The following TLE4 variants were observed in gnomAD, a reference collection of about 807,000 sequenced individuals.
TLE4 encodes the protein TLE family member 4, transcriptional corepressor.
In TLE4, 8 loss-of-function variants were observed where a neutral mutation model predicts 92.8. That is an observed-to-expected ratio of 0.09 (90% CI 0.05 to 0.16). TLE4 has a LOEUF of 0.16. Among genes scored for constraint, TLE4 ranks in the 10% least tolerant of loss-of-function variants. The pLI, the probability that TLE4 is intolerant of heterozygous loss-of-function variation, is 1.00. For missense variants in TLE4, 675 were observed against 997.6 expected (o/e 0.68, Z 4.36); for synonymous variants, 371 against 374.1 (o/e 0.99, Z 0.10).
intron 6 of TLE4, among the ~76,000 whole-genome samples, chr9:79,646,733 G>A (rs943744843): frequency 2.0e-5 from 3 of 152,048 alleles, no homozygotes; most frequent in African/African-American, 7.2e-5. Flanking sequence ...ACATTTTAAA[G>A]CCTACTGTAA....
intron 8 of TLE4, among the ~76,000 whole-genome samples, chr9:79,657,608 C>T (rs1446664286): frequency 6.6e-6 from 1 of 152,054 alleles, no homozygotes; most frequent in Non-Finnish European, 1.5e-5. Context: ...TATTAGGTTC[C>T]TCATAGCACT....
intron 19 of TLE4, among the ~76,000 whole-genome samples, chr9:79,724,723 C>T (rs35212319): frequency 1.3e-5 from 2 of 151,780 alleles, no homozygotes; most frequent in South Asian, 4.2e-4. Flanking sequence ...ACATCAGTGT[C>T]GTAGTCCCAG....
rs530869053 is a variant in TLE4 at position 79,575,202 on chromosome 9, A to G, written c.207+266A>G. ...TTGTTTTTACAGATCGAAAAAAAATAAAAACAAAACCTTGTTTGTTTTGTC... is the reference window on the plus strand; with the variant it reads ...TTGTTTTTACAGATCGAAAAAAAATGAAAACAAAACCTTGTTTGTTTTGTC... On this transcript the variant is annotated intron_variant, in intron 3 of 19. Coordinates refer to ENST00000376552, the MANE Select transcript of TLE4 (RefSeq NM_007005.6). Among the ~76,000 whole-genome samples, 12 of 152,340 alleles carry G rather than the reference A, an allele frequency of 7.9e-5. No homozygotes were observed. In the South Asian group the frequency reaches 8.3e-4, roughly 11 times the overall value.
At chr9:79,629,190 A>G (rs1181762061) in intron 6 of TLE4, among the ~76,000 whole-genome samples, 1 of 152,070 alleles carries the variant, frequency 6.6e-6, no homozygotes, top group Non-Finnish European at 1.5e-5. Flanking sequence ...TTCTAGGAAA[A>G]CAGAATGGAT....
intron 5 of TLE4, among the ~76,000 whole-genome samples, chr9:79,626,172 C>T (rs1258581281): frequency 6.6e-6 from 1 of 152,124 alleles, no homozygotes; most frequent in Non-Finnish European, 1.5e-5. Flanking sequence ...TTACACAGCT[C>T]AGAGGTGGAA....
chr9:79,711,487 G>A (rs1565130234), intron 14 of TLE4, among the ~76,000 whole-genome samples: 1 of 152,166 alleles, frequency 6.6e-6, no homozygotes, highest in Non-Finnish European at 1.5e-5. Context: ...AAAGTGGAAG[G>A]GTTCCTTTAG....
intron 6 of TLE4, among the ~76,000 whole-genome samples, chr9:79,634,408 T>A (rs915128794): frequency 3.3e-5 from 5 of 152,236 alleles, no homozygotes; most frequent in Non-Finnish European, 1.5e-5. Context: ...TTTACGGATT[T>A]GTATTTTTTT....
Position 79,574,912 on chromosome 9 carries a change from A to G in TLE4, c.183A>G (p.Thr61=), listed in dbSNP as rs779775864. The G allele has an allele frequency of 1.9e-6, 3 of 1,613,702 alleles. No homozygotes were observed. Among genetic ancestry groups the G allele is most frequent in the Non-Finnish European group, 2.5e-6 (3 of 1,179,686 alleles). The part of the protein sequence containing the change: ...LECEKLASEK[T]EMQRHYVMYY... ...GTGAGAAACTCGCCAGTGAGAAGAC[A>G]GAGATGCAGCGGCATTATGTCATGG... is the stretch of plus-strand genomic sequence containing the variant. Residue 61 remains threonine (T), a synonymous_variant, in exon 3 of 20, where the codon ACA becomes ACG. Transcript: ENST00000376552.
intron 4 of TLE4, among the ~76,000 whole-genome samples, chr9:79,591,510 C>T (rs892568946): frequency 6.6e-6 from 1 of 152,184 alleles, no homozygotes; most frequent in Non-Finnish European, 1.5e-5. Flanking sequence ...GGAGATTAAT[C>T]AGTAGTTGGT....
At chr9:79,618,055 C>A (rs532474535) in intron 5 of TLE4, among the ~76,000 whole-genome samples, 1 of 152,262 alleles carries the variant, frequency 6.6e-6, no homozygotes, top group African/African-American at 2.4e-5. Flanking sequence ...TTTGCAGTGG[C>A]CAGCACTTAG....
At chr9:79,667,334 C>T (rs2061561620) in intron 8 of TLE4, among the ~76,000 whole-genome samples, 1 of 152,174 alleles carries the variant, frequency 6.6e-6, no homozygotes, top group Admixed American at 6.5e-5. Flanking sequence ...GTCAGGGGCC[C>T]TTCTCCTTCT....
intron 4 of TLE4, among the ~76,000 whole-genome samples, chr9:79,585,379 A>C (rs1013736100): frequency 1.3e-5 from 2 of 152,224 alleles, no homozygotes; most frequent in African/African-American, 4.8e-5. Context: ...CTGGTATGAC[A>C]GATATTTCTG....
chr9:79,582,284 G>A (rs1025385064), intron 4 of TLE4, among the ~76,000 whole-genome samples: 1 of 152,144 alleles, frequency 6.6e-6, no homozygotes, highest in Non-Finnish European at 1.5e-5. Context: ...TCAAACAAAA[G>A]GATAGTTCCT....
At chr9:79,604,083 C>T (rs755132621) in intron 4 of TLE4, among the ~76,000 whole-genome samples, 4 of 151,982 alleles carry the variant, frequency 2.6e-5, no homozygotes, top group Non-Finnish European at 4.4e-5. Flanking sequence ...GATGCTGTCA[C>T]GAGAAGACAA....
chr9:79,645,583 G>GTCCT (rs1315981128), intron 6 of TLE4, among the ~76,000 whole-genome samples: 1 of 152,112 alleles, frequency 6.6e-6, no homozygotes, highest in African/African-American at 2.4e-5. Context: ...TTCTCCAGTG[G>GTCCT]TCCTTTTCTG....
intron 5 of TLE4, among the ~76,000 whole-genome samples, chr9:79,614,639 A>T (rs1001747537): frequency 6.6e-6 from 1 of 152,182 alleles, no homozygotes; most frequent in Non-Finnish European, 1.5e-5. Flanking sequence ...TTTCCCAAAT[A>T]CTTTGACATT....
intron 8 of TLE4, among the ~76,000 whole-genome samples, chr9:79,680,601 A>C (rs1359248916): frequency 6.6e-6 from 1 of 152,138 alleles, no homozygotes; most frequent in African/African-American, 2.4e-5. Flanking sequence ...CTCTTTTCCT[A>C]ATTGAAAACC....
intron 4 of TLE4, among the ~76,000 whole-genome samples, chr9:79,583,996 G>A (rs539052413): frequency 6.6e-6 from 1 of 152,314 alleles, no homozygotes; most frequent in South Asian, 2.1e-4. Context: ...GGGCTTAAGA[G>A]ACTAGCCCAG....
intron 15 of TLE4, 101 bp downstream of exon 15, chr9:79,719,072 C>T: frequency 6.8e-7 from 1 of 1,476,288 alleles, no homozygotes. Context: ...AGTATTGATC[C>T]CAGGTGGATA....
Sources: gnomAD v4.1 joint callset for allele counts (sites outside exome capture counted in the v4.1 genomes callset) on GRCh38, gnomAD v4.1.1 for gene constraint, MANE v1.5 for transcripts, NCBI Gene and HGNC (gene_info 2026-07-23, HGNC 2026-07-21) for gene names.